The following KIF9 variants were observed in gnomAD, a reference collection of about 807,000 sequenced individuals.
The protein encoded by KIF9 is kinesin-like protein KIF9.
In KIF9, 68 loss-of-function variants were observed where a neutral mutation model predicts 94.8. The observed-to-expected ratio is 0.72, with a 90% CI of 0.59 to 0.88. The LOEUF (loss-of-function observed/expected upper bound fraction) is 0.88, where lower values mean the gene tolerates loss of function less well. KIF9 is among the 40% of genes least tolerant of loss of function. The pLI is 0.00. For synonymous variants in KIF9, 343 were observed against 362.1 expected (o/e 0.95, Z 0.60); for missense variants, 882 against 982.5 (o/e 0.90, Z 1.37).
intron 10 of KIF9, among the ~76,000 whole-genome samples, chr3:47,256,049 C>T (rs923822635): frequency 6.6e-5 from 10 of 152,240 alleles, no homozygotes; most frequent in Non-Finnish European, 1.2e-4. Context: ...GACGGAGTCT[C>T]GTTCACTCAG....
At position 47,246,368 on chromosome 3, in the gene KIF9, GAGA is replaced by G. The variant is rs1038224306; in HGVS notation, c.1234-119_1234-117del. 9 of 678,618 alleles carry G rather than the reference GAGA, an allele frequency of 1.3e-5. No individual in the cohort carries two copies. The Admixed American group carries it at 2.7e-4, about 20-fold the overall frequency. The allele number at this position is 678,618 out of a possible 1,614,324, so 42.0% of individuals were successfully genotyped here. ...GGCTGACCCCTGGACCATCTGTCTC[GAGA>G]AGAGGACGTGTGCACACAGCCTCTC... On this transcript the variant is annotated intron_variant, in intron 12 of 20. Transcript: ENST00000684063.
At chr3:47,236,303 G>T in intron 18 of KIF9, 140 bp downstream of exon 18, 2 of 1,068,142 alleles carry the variant, frequency 1.9e-6, no homozygotes, top group Non-Finnish European at 1.4e-6. Flanking sequence ...ACAGTCCTGG[G>T]AACCACACAT....
At chr3:47,264,944 T>G (rs189884034) in intron 8 of KIF9, among the ~76,000 whole-genome samples, 1 of 152,312 alleles carries the variant, frequency 6.6e-6, no homozygotes, top group East Asian at 1.9e-4. Flanking sequence ...CGCGAGAAGG[T>G]AGCCATCTGC....
intron 15 of KIF9, 59 bp from the exon 16 acceptor site, chr3:47,243,304 A>G (rs954806367): frequency 7.0e-7 from 1 of 1,428,410 alleles, no homozygotes; most frequent in Non-Finnish European, 9.5e-7. Flanking sequence ...ATCAGATGCC[A>G]GGATGAGTGA....
intron 20 of KIF9, 112 bp from the exon 21 acceptor site, chr3:47,228,814 G>A (rs1028906334): frequency 2.2e-5 from 18 of 836,430 alleles, no homozygotes; most frequent in Middle Eastern, 2.2e-4. Flanking sequence ...AACATCATGG[G>A]TTGTGGACAA....
intron 8 of KIF9, among the ~76,000 whole-genome samples, chr3:47,265,301 T>C (rs996837298): frequency 6.6e-6 from 1 of 152,034 alleles, no homozygotes; most frequent in Admixed American, 6.5e-5. Flanking sequence ...AATCAGACAC[T>C]AGTGACTGTG....
Position 47,253,312 on chromosome 3 carries a change from C to T in KIF9, c.1059+4171G>A, listed in dbSNP as rs572062496. The stretch of plus-strand genomic sequence containing the variant: ...CTAGGATTACAGGCATGCACCACTA[C>T]ACTGAGCTAATTTTTACATTTTTTA... On this transcript the variant is annotated intron_variant, in intron 10 of 20. Coordinates refer to ENST00000684063, the MANE Select transcript of KIF9 (RefSeq NM_182902.4). Among the ~76,000 whole-genome samples, 4 of 152,108 alleles carry T rather than the reference C, an allele frequency of 2.6e-5. No homozygotes were observed. The South Asian group carries it at 6.2e-4, about 24-fold the overall frequency.
At chr3:47,264,020 C>A in intron 9 of KIF9, 1 of 545,502 alleles carries the variant, frequency 1.8e-6, no homozygotes, top group Non-Finnish European at 3.5e-6. Flanking sequence ...CTTCACAAAG[C>A]TGGCTCTCAG....
At chr3:47,255,248 G>A (rs539524774) in intron 10 of KIF9, among the ~76,000 whole-genome samples, 34 of 152,310 alleles carry the variant, frequency 2.2e-4, no homozygotes, top group Non-Finnish European at 4.7e-4. Context: ...AAGTGGACAA[G>A]AGTTTCCATT....
chr3:47,267,993 T>A (rs1173489905), intron 5 of KIF9, among the ~76,000 whole-genome samples: 1 of 151,838 alleles, frequency 6.6e-6, no homozygotes, highest in African/African-American at 2.4e-5. Flanking sequence ...CACCTCGGCT[T>A]CCTGAGTAGC....
At chr3:47,241,946 C>T (rs1412093905) in intron 16 of KIF9, among the ~76,000 whole-genome samples, 2 of 146,420 alleles carry the variant, frequency 1.4e-5, no homozygotes, top group South Asian at 2.1e-4. Flanking sequence ...TTCAGTGACT[C>T]GATCACAGCT....
intron 3 of KIF9, among the ~76,000 whole-genome samples, chr3:47,273,997 G>A (rs766830343): frequency 3.9e-5 from 6 of 152,228 alleles, no homozygotes; most frequent in Non-Finnish European, 7.3e-5. Flanking sequence ...TGAGGAGGGA[G>A]ATAGGAGCAT....
intron 5 of KIF9, among the ~76,000 whole-genome samples, chr3:47,268,019 G>A (rs1701398679): frequency 6.6e-6 from 1 of 151,548 alleles, no homozygotes; most frequent in Admixed American, 6.6e-5. Flanking sequence ...CTACCAGCGT[G>A]CACTACCACA....
chr3:47,239,972 C>A, intron 17 of KIF9: 2 of 1,351,564 alleles, frequency 1.5e-6, no homozygotes, highest in African/African-American at 1.5e-5. Flanking sequence ...GGCCTCTGAA[C>A]CACCTGTCCC....
intron 11 of KIF9, 79 bp downstream of exon 11, chr3:47,247,939 G>C: frequency 9.0e-7 from 1 of 1,108,368 alleles, no homozygotes; most frequent in Non-Finnish European, 1.4e-6. Context: ...CCATGATGCT[G>C]TCTGCCCCTA....
At chr3:47,267,289 A>T in intron 5 of KIF9, 26 bp from the exon 6 acceptor site, 1 of 1,547,786 alleles carries the variant, frequency 6.5e-7, no homozygotes, top group Non-Finnish European at 8.9e-7. Context: ...ATCATAGGCA[A>T]CATTTCGAAA....
chr3:47,244,387 C>T (rs556220844), intron 15 of KIF9: 16 of 162,802 alleles, frequency 9.8e-5, no homozygotes, highest in South Asian at 1.8e-4. Flanking sequence ...TGCCAGTCGG[C>T]GGGAAGACCC....
intron 10 of KIF9, among the ~76,000 whole-genome samples, chr3:47,255,350 T>C (rs748651627): frequency 6.6e-5 from 10 of 152,200 alleles, no homozygotes; most frequent in Non-Finnish European, 1.5e-5. Flanking sequence ...TTAATTTGTA[T>C]TTCCCTTGTT....
intron 7 of KIF9, chr3:47,266,081 T>C (rs1311876016): frequency 1.7e-5 from 9 of 535,136 alleles, no homozygotes; most frequent in East Asian, 1.5e-4. Flanking sequence ...GAAATATTCA[T>C]GTGAACACTC....
Sources: gnomAD v4.1 joint callset for allele counts (sites outside exome capture counted in the v4.1 genomes callset) on GRCh38, gnomAD v4.1.1 for gene constraint, MANE v1.5 for transcripts, NCBI Gene and HGNC (gene_info 2026-07-23, HGNC 2026-07-21) for gene names.